The following NRP2 variants were observed in gnomAD, a reference collection of about 807,000 sequenced individuals.
The protein encoded by NRP2 is neuropilin 2, also known as neuropilin-2.
NRP2 carries 52 observed loss-of-function variants against 110.4 expected under a neutral mutation model. The observed-to-expected ratio is 0.47, with a 90% CI of 0.38 to 0.59. The LOEUF is 0.59. Ranked by LOEUF, NRP2 falls within the 20% of genes least tolerant of loss-of-function variation. The pLI, the probability that NRP2 is intolerant of heterozygous loss-of-function variation, is 0.00. For synonymous variants in NRP2, 508 were observed against 468.9 expected (o/e 1.08, Z -1.08); for missense variants, 1,049 against 1,203.0 (o/e 0.87, Z 1.89).
intron 9 of NRP2, among the ~76,000 whole-genome samples, chr2:205,745,237 T>G (rs1334321202): frequency 1.3e-5 from 2 of 152,192 alleles, no homozygotes; most frequent in African/African-American, 4.8e-5. Flanking sequence ...CAGAAGACAG[T>G]GTCATTGGCC....
At chr2:205,707,581 C>T (rs1352181112) in intron 2 of NRP2, among the ~76,000 whole-genome samples, 1 of 152,150 alleles carries the variant, frequency 6.6e-6, no homozygotes, top group Non-Finnish European at 1.5e-5. Flanking sequence ...TTTGCATCTT[C>T]CAAGTTTTGT....
At chr2:205,736,669 G>A (rs1424888047) in intron 7 of NRP2, among the ~76,000 whole-genome samples, 1 of 152,202 alleles carries the variant, frequency 6.6e-6, no homozygotes, top group Non-Finnish European at 1.5e-5. Context: ...CTATCTGCAA[G>A]CCTATTATCG....
At chr2:205,733,852 A>G (rs895641614) in intron 7 of NRP2, among the ~76,000 whole-genome samples, 2 of 150,912 alleles carry the variant, frequency 1.3e-5, no homozygotes, top group Non-Finnish European at 3.0e-5. Context: ...CCTGTCTCAA[A>G]TCCTGAAACC....
intron 3 of NRP2, among the ~76,000 whole-genome samples, chr2:205,717,220 C>A (rs1053886278): frequency 6.6e-6 from 1 of 152,066 alleles, no homozygotes; most frequent in South Asian, 2.1e-4. Flanking sequence ...CTCCAGTCCT[C>A]CCCACCCACC....
At chr2:205,743,129 C>T in intron 8 of NRP2, 74 bp from the exon 9 acceptor site, 3 of 1,599,798 alleles carry the variant, frequency 1.9e-6, no homozygotes, top group Non-Finnish European at 2.5e-6. Flanking sequence ...TTTGCAGCTC[C>T]CTTCTTATAG....
At chr2:205,749,875 C>T (rs200532536) in intron 11 of NRP2, 34 bp downstream of exon 11, 649 of 1,524,376 alleles carry the variant, frequency 4.3e-4, no homozygotes, top group Non-Finnish European at 5.5e-4. Flanking sequence ...GGCATGGGTG[C>T]GGACTAGTCA....
chr2:205,697,752 CATCCATGAG>C, intron 2 of NRP2, 31 bp downstream of exon 2: 1 of 1,608,122 alleles, frequency 6.2e-7, no homozygotes, highest in Non-Finnish European at 8.5e-7. Flanking sequence ...CTGTGTATCC[CATCCATGAG>C]ATGCACACGC....
intron 1 of NRP2, among the ~76,000 whole-genome samples, chr2:205,697,336 G>GTGTGTA (rs1459077179): frequency 2.1e-4 from 32 of 151,722 alleles, no homozygotes; most frequent in African/African-American, 6.8e-4. Context: ...GTGTGTGTGT[G>GTGTGTA]TGTGTGTGTA....
intron 7 of NRP2, among the ~76,000 whole-genome samples, chr2:205,738,756 G>A (rs1213606620): frequency 6.6e-6 from 1 of 152,202 alleles, no homozygotes; most frequent in African/African-American, 2.4e-5. Context: ...ACCCGGGTGG[G>A]AGGACTTCCC....
intron 11 of NRP2, among the ~76,000 whole-genome samples, chr2:205,752,208 G>A (rs1243928516): frequency 1.3e-5 from 2 of 152,186 alleles, no homozygotes; most frequent in Non-Finnish European, 2.9e-5. Context: ...TGGTCCCTTC[G>A]ATTTGCTCTT....
intron 16 of NRP2, among the ~76,000 whole-genome samples, chr2:205,792,615 T>C (rs1481502374): frequency 6.6e-6 from 1 of 152,242 alleles, no homozygotes; most frequent in African/African-American, 2.4e-5. Flanking sequence ...CTGAATCTTT[T>C]GACCTTCTCC....
chr2:205,688,356 G>A (rs890481554), intron 1 of NRP2, among the ~76,000 whole-genome samples: 4 of 152,192 alleles, frequency 2.6e-5, no homozygotes, highest in Non-Finnish European at 4.4e-5. Context: ...TCCAGGTAAG[G>A]ACTTGGCTGT....
chr2:205,702,986 T>A (rs1052559606), intron 2 of NRP2, among the ~76,000 whole-genome samples: 4 of 152,348 alleles, frequency 2.6e-5, no homozygotes, highest in African/African-American at 9.6e-5. Context: ...TTTTTGTTCA[T>A]ATGTGGTCAT....
chr2:205,702,144 G>A (rs1021065620), intron 2 of NRP2, among the ~76,000 whole-genome samples: 3 of 152,002 alleles, frequency 2.0e-5, no homozygotes, highest in South Asian at 2.1e-4. Context: ...CTTTGTCAGG[G>A]GACAGTTTGG....
chr2:205,761,294 A>G (rs2057817591), intron 12 of NRP2: 1 of 152,168 alleles, frequency 6.6e-6, no homozygotes, highest in Non-Finnish European at 1.5e-5. Flanking sequence ...TATATATAGC[A>G]CTATCTAGGG....
At chr2:205,791,986 G>A (rs983304676) in intron 15 of NRP2, among the ~76,000 whole-genome samples, 7 of 152,222 alleles carry the variant, frequency 4.6e-5, no homozygotes, top group Admixed American at 3.3e-4. Context: ...CACAGTGGCA[G>A]GGGTTGCTTG....
At chr2:205,767,144 CCAA>C in intron 15 of NRP2, 1 of 317,074 alleles carries the variant, frequency 3.2e-6, no homozygotes, top group Non-Finnish European at 5.8e-6. Flanking sequence ...GAAGACTGAA[CCAA>C]AAAAAAAAAA....
In NRP2 at chr2:205,710,589, G is replaced by T. The variant is rs1007450170; in HGVS notation, c.252-5604G>T. 4.6e-5 allele frequency among the ~76,000 whole-genome samples: 7 copies of T among 152,314 alleles called. No homozygotes were observed. In the South Asian group the frequency reaches 1.2e-3, roughly 27 times the overall value. ...ACAGTGAGCTGACTTCTCCATAAAG[G>T]CTAGGTGACTGTACTGAGCCTAAGG... On this transcript the variant is annotated intron_variant, in intron 2 of 16. Transcript: ENST00000357785.
chr2:205,692,236 T>C (rs570940679), intron 1 of NRP2, among the ~76,000 whole-genome samples: 2 of 152,298 alleles, frequency 1.3e-5, no homozygotes, highest in East Asian at 1.9e-4. Flanking sequence ...TCTCCATAAA[T>C]TGAGTAGATT....
Sources: gnomAD v4.1 joint callset for allele counts (sites outside exome capture counted in the v4.1 genomes callset) on GRCh38, gnomAD v4.1.1 for gene constraint, MANE v1.5 for transcripts, NCBI Gene and HGNC (gene_info 2026-07-23, HGNC 2026-07-21) for gene names.